The following NRCAM variants were observed in gnomAD, a reference collection of about 807,000 sequenced individuals.
NRCAM encodes the protein NgCAM-related cell adhesion molecule.
In NRCAM, 83 loss-of-function variants were observed where a neutral mutation model predicts 156.5. The observed-to-expected ratio is 0.53, with a 90% CI of 0.44 to 0.64. The LOEUF is 0.64. NRCAM is among the 30% of genes least tolerant of loss of function. The pLI is 0.00. For synonymous variants in NRCAM, 538 were observed against 563.9 expected, an observed-to-expected ratio of 0.95 and a Z score of 0.65; for missense variants, 1,417 against 1,597.3, an observed-to-expected ratio of 0.89 and a Z score of 1.92.
chr7:108,191,758 A>T lies in NRCAM; in HGVS notation c.1874T>A (p.Val625Asp). ...TCVANTTLDSVSASAVLSVVA... is the reference protein window; with the variant it reads ...TCVANTTLDSDSASAVLSVVA... ...AACGCTAAGCACAGCGCTGGCGGAGACGCTGTCCAGAGTGGTGTTGGCCAC... is the reference window on the plus strand; with the variant it reads ...AACGCTAAGCACAGCGCTGGCGGAGTCGCTGTCCAGAGTGGTGTTGGCCAC... Residue 625 changes from valine (V) to aspartate (D), a missense_variant, in exon 18 of 33, where the codon GTC becomes GAC. This residue lies in a region of NRCAM where 1,238 missense variants were observed against 1,336.4 expected (regional missense o/e 0.93). Coordinates refer to ENST00000379028, the MANE Select transcript of NRCAM (RefSeq NM_001037132.4). 6.2e-7 allele frequency: 1 copy of T among 1,613,918 alleles called. No homozygotes were observed.
intron 3 of NRCAM, among the ~76,000 whole-genome samples, chr7:108,262,468 A>C (rs1320851723): frequency 6.6e-6 from 1 of 152,102 alleles, no homozygotes; most frequent in Admixed American, 6.5e-5. Context: ...AGATTTAGAG[A>C]GGCCAGATAA....
intron 13 of NRCAM, among the ~76,000 whole-genome samples, chr7:108,205,711 T>C (rs761216445): frequency 2.0e-5 from 3 of 152,192 alleles, no homozygotes; most frequent in Non-Finnish European, 4.4e-5. Context: ...TATTGCCATT[T>C]TGTATGCATT....
rs58975301 is a variant in NRCAM, at chr7:108,335,434, CTTTTTTTTTTT to C, written c.-173-22714_-173-22704del. ...ATGTCCTGTGGATCTGTTCCACCTG[CTTTTTTTTTTT>C]TTTTTTTTTTTTTTCAGTTTTCACT... On this transcript the variant is annotated intron_variant, in intron 2 of 32. Transcript: ENST00000379028. 2.7e-3 allele frequency among the ~76,000 whole-genome samples: 188 copies of C among 69,886 alleles called. 2 individuals are homozygous for C. The highest frequency in any genetic ancestry group is 3.9e-3 in the Admixed American group (18 of 4,610). 45.8% of individuals were successfully genotyped at this position (69,886 alleles called of 152,430 possible). A position where few individuals can be genotyped will look rare whatever the true frequency, so the allele number is the denominator to read the frequency against.
chr7:108,448,912 G>A (rs572347044), intron 1 of NRCAM, among the ~76,000 whole-genome samples: 3 of 152,244 alleles, frequency 2.0e-5, no homozygotes, highest in Admixed American at 6.5e-5. Context: ...ACAACACTGC[G>A]ATGCAATTTT....
chr7:108,189,578 A>C (rs1322453126), intron 20 of NRCAM, 67 bp downstream of exon 20: 1 of 740,276 alleles, frequency 1.4e-6, no homozygotes, highest in Non-Finnish European at 2.5e-6. Context: ...AATTCAGCTG[A>C]CTGTTACAAA....
intron 2 of NRCAM, among the ~76,000 whole-genome samples, chr7:108,336,484 T>C (rs891364104): frequency 5.9e-5 from 9 of 152,216 alleles, no homozygotes; most frequent in Admixed American, 2.0e-4. Flanking sequence ...TTTTTTTAAA[T>C]CATGGGTATT....
chr7:108,320,062 AAC>A (rs1491080119), intron 2 of NRCAM, among the ~76,000 whole-genome samples: 1 of 152,234 alleles, frequency 6.6e-6, no homozygotes, highest in African/African-American at 2.4e-5. Flanking sequence ...GTTATAAAAA[AAC>A]ACTTTTGATA....
At chr7:108,289,043 G>C (rs2098200206) in intron 3 of NRCAM, among the ~76,000 whole-genome samples, 1 of 152,056 alleles carries the variant, frequency 6.6e-6, no homozygotes, top group South Asian at 2.1e-4. Context: ...TGAAACAAAA[G>C]TTATCTAGGA....
chr7:108,303,248 C>T (rs927005065), intron 3 of NRCAM, among the ~76,000 whole-genome samples: 11 of 152,224 alleles, frequency 7.2e-5, no homozygotes, highest in Admixed American at 2.0e-4. Context: ...AGGCATGAGC[C>T]ACTGTGGCTG....
At chr7:108,221,926 T>C (rs966643964) in intron 11 of NRCAM, among the ~76,000 whole-genome samples, 4 of 110,502 alleles carry the variant, frequency 3.6e-5, no homozygotes, top group South Asian at 3.5e-4. Flanking sequence ...TGAGAAATAA[T>C]AAATTATGGT....
At chr7:108,225,497 C>A (rs1006659051) in intron 10 of NRCAM, 148 bp downstream of exon 10, 1 of 670,910 alleles carries the variant, frequency 1.5e-6, no homozygotes, top group Non-Finnish European at 2.7e-6. Context: ...AGGTAAATTT[C>A]ATAAGAAACA....
intron 32 of NRCAM, 162 bp downstream of exon 32, chr7:108,159,301 T>G: frequency 1.3e-6 from 1 of 760,346 alleles, no homozygotes; most frequent in East Asian, 2.5e-5. Flanking sequence ...TGAAAATGTT[T>G]GACCATGAGG....
intron 12 of NRCAM, among the ~76,000 whole-genome samples, chr7:108,209,023 G>A (rs900383216): frequency 1.3e-5 from 2 of 152,090 alleles, no homozygotes; most frequent in Non-Finnish European, 2.9e-5. Context: ...TTGTGGACAC[G>A]CTAAAACTTC....
chr7:108,201,224 A>G (rs113265219), intron 13 of NRCAM, among the ~76,000 whole-genome samples: 2,343 of 150,970 alleles, frequency 0.016, 23 homozygotes, highest in Non-Finnish European at 0.023. Context: ...TGGACCCAGC[A>G]CTTGGGCTCT....
intron 2 of NRCAM, among the ~76,000 whole-genome samples, chr7:108,384,806 T>C (rs187177179): frequency 5.3e-5 from 8 of 152,320 alleles, no homozygotes; most frequent in African/African-American, 1.9e-4. Flanking sequence ...GAAATTTGAG[T>C]TGCAGTGCCT....
chr7:108,415,519 C>A (rs1010491221), intron 1 of NRCAM, among the ~76,000 whole-genome samples: 2 of 152,162 alleles, frequency 1.3e-5, no homozygotes, highest in African/African-American at 4.8e-5. Context: ...AGGAAAGAAG[C>A]ATGATAAAAA....
intron 2 of NRCAM, among the ~76,000 whole-genome samples, chr7:108,382,049 C>T (rs2099703999): frequency 6.6e-6 from 1 of 152,128 alleles, no homozygotes; most frequent in Non-Finnish European, 1.5e-5. Context: ...TTTAGACAAA[C>T]AGTCCTTAAA....
At chr7:108,330,145 G>A (rs1186795542) in intron 2 of NRCAM, among the ~76,000 whole-genome samples, 1 of 152,052 alleles carries the variant, frequency 6.6e-6, no homozygotes, top group Non-Finnish European at 1.5e-5. Context: ...TCTTTCAAGT[G>A]CATTTATAAA....
chr7:108,437,348 A>G (rs546822319), intron 1 of NRCAM, among the ~76,000 whole-genome samples: 1 of 152,298 alleles, frequency 6.6e-6, no homozygotes, highest in South Asian at 2.1e-4. Context: ...GAAAGAATGA[A>G]TAAGACCTAT....
Sources: allele counts gnomAD v4.1 joint callset (sites outside exome capture counted in the v4.1 genomes callset), GRCh38; gene constraint gnomAD v4.1.1; regional missense constraint gnomAD v4.1.1; transcripts MANE v1.5; gene names NCBI Gene and HGNC (gene_info 2026-07-23, HGNC 2026-07-21).